The following GABRG3 variants were observed in gnomAD, a reference collection of about 807,000 sequenced individuals.
GABRG3 encodes the protein gamma-aminobutyric acid receptor subunit gamma-3.
In GABRG3, 25 loss-of-function variants were observed where a neutral mutation model predicts 48.8. The ratio of observed to expected loss-of-function variants is 0.51; its 90% CI spans 0.37 to 0.72. GABRG3 has a LOEUF of 0.72. Ranked by LOEUF, GABRG3 falls within the 30% of genes least tolerant of loss-of-function variation. The pLI, the probability that GABRG3 is intolerant of heterozygous loss-of-function variation, is 0.00. For missense variants in GABRG3, 394 were observed against 577.9 expected (o/e 0.68, Z 3.26); for synonymous variants, 227 against 217.6 (o/e 1.04, Z -0.38).
intron 3 of GABRG3, among the ~76,000 whole-genome samples, chr15:27,220,834 T>C (rs1243981917): frequency 6.6e-6 from 1 of 151,868 alleles, no homozygotes; most frequent in Non-Finnish European, 1.5e-5. Context: ...ATGCCGAGGG[T>C]GGGGTGGCAG....
chr15:27,465,944 G>T (rs1039603412), intron 5 of GABRG3, among the ~76,000 whole-genome samples: 1 of 152,154 alleles, frequency 6.6e-6, no homozygotes, highest in African/African-American at 2.4e-5. Context: ...AAGACCCAGT[G>T]TTTCAAAAAT....
At chr15:27,424,244 G>A (rs1566834638) in intron 5 of GABRG3, among the ~76,000 whole-genome samples, 1 of 152,142 alleles carries the variant, frequency 6.6e-6, no homozygotes, top group Non-Finnish European at 1.5e-5. Flanking sequence ...GTGATTTGTA[G>A]CTAGGGCTGT....
intron 3 of GABRG3, among the ~76,000 whole-genome samples, chr15:27,054,100 A>G (rs1007236615): frequency 2.6e-5 from 4 of 152,138 alleles, no homozygotes; most frequent in Non-Finnish European, 4.4e-5. Context: ...TCTACTAAAA[A>G]AAATAGCACG....
intron 6 of GABRG3, among the ~76,000 whole-genome samples, chr15:27,482,578 T>C (rs1890126625): frequency 6.6e-6 from 1 of 152,276 alleles, no homozygotes; most frequent in East Asian, 1.9e-4. Flanking sequence ...TTATTCCTTG[T>C]TTCTCAATCT....
At chr15:27,512,248 A>G (rs963813163) in intron 6 of GABRG3, among the ~76,000 whole-genome samples, 3 of 151,762 alleles carry the variant, frequency 2.0e-5, no homozygotes, top group Admixed American at 1.3e-4. Context: ...TATTATTATT[A>G]CAATAATCAA....
chr15:27,342,785 C>A (rs923293359), intron 5 of GABRG3, among the ~76,000 whole-genome samples: 5 of 152,176 alleles, frequency 3.3e-5, no homozygotes, highest in Admixed American at 6.5e-5. Context: ...CCTCCTGGGT[C>A]CTGACTCCTT....
At chr15:27,286,290 C>T (rs982600700) in intron 3 of GABRG3, among the ~76,000 whole-genome samples, 13 of 152,200 alleles carry the variant, frequency 8.5e-5, no homozygotes, top group Admixed American at 8.5e-4. Context: ...CACTTCTCTC[C>T]AGCATAAAGC....
At chr15:27,071,844 T>C (rs8035064) in intron 3 of GABRG3, among the ~76,000 whole-genome samples, 31,432 of 152,234 alleles carry the variant, frequency 0.21, 3,408 homozygotes, top group Middle Eastern at 0.27. Context: ...CGTACTAAGA[T>C]GGCTTTTCTG....
At chr15:27,316,822 G>A (rs1374274035) in intron 3 of GABRG3, among the ~76,000 whole-genome samples, 2 of 152,064 alleles carry the variant, frequency 1.3e-5, no homozygotes, top group Non-Finnish European at 2.9e-5. Context: ...GTGGATTTTG[G>A]TGTGGTTTTT....
intron 3 of GABRG3, among the ~76,000 whole-genome samples, chr15:27,125,251 A>G (rs1007609775): frequency 6.6e-6 from 1 of 152,196 alleles, no homozygotes; most frequent in African/African-American, 2.4e-5. Context: ...TCACAGAAAG[A>G]TAAATATTGC....
intron 2 of GABRG3, among the ~76,000 whole-genome samples, chr15:27,023,806 G>A (rs1285532873): frequency 1.3e-5 from 2 of 152,114 alleles, no homozygotes; most frequent in Non-Finnish European, 2.9e-5. Context: ...TAATTCCTTT[G>A]GGTGTATACC....
chr15:27,292,068 G>A (rs532605968), intron 3 of GABRG3, among the ~76,000 whole-genome samples: 1 of 152,278 alleles, frequency 6.6e-6, no homozygotes, highest in Admixed American at 6.5e-5. Context: ...TTAGTTTGCT[G>A]AGAATGATGG....
At chr15:27,526,825 GCAAA>G (rs1201083654) in intron 7 of GABRG3, among the ~76,000 whole-genome samples, 1 of 152,128 alleles carries the variant, frequency 6.6e-6, no homozygotes, top group African/African-American at 2.4e-5. Context: ...TGGGGGACAA[GCAAA>G]CAAAGACAAG....
chr15:27,144,429 C>G (rs1898160779), intron 3 of GABRG3, among the ~76,000 whole-genome samples: 1 of 152,160 alleles, frequency 6.6e-6, no homozygotes. Context: ...AACCACCATT[C>G]AAAGGGCATG....
At chr15:27,088,050 GTGT>G (rs1439793277) in intron 3 of GABRG3, among the ~76,000 whole-genome samples, 6 of 150,672 alleles carry the variant, frequency 4.0e-5, no homozygotes, top group Non-Finnish European at 8.9e-5. Flanking sequence ...ATATGCTGTG[GTGT>G]TTGTGTGTGG....
At chr15:27,186,188 G>C (rs72700120) in intron 3 of GABRG3, among the ~76,000 whole-genome samples, 1 of 151,838 alleles carries the variant, frequency 6.6e-6, no homozygotes, top group Non-Finnish European at 1.5e-5. Context: ...CTCTTTCCTC[G>C]AGTAGTCCCC....
intron 6 of GABRG3, among the ~76,000 whole-genome samples, chr15:27,516,323 A>G (rs1181603558): frequency 6.6e-6 from 1 of 152,230 alleles, no homozygotes; most frequent in Admixed American, 6.5e-5. Flanking sequence ...ACATGGAAAT[A>G]TACTTCAATA....
chr15:27,514,813 TAA>T (rs1277114324), intron 6 of GABRG3, among the ~76,000 whole-genome samples: 1 of 151,982 alleles, frequency 6.6e-6, no homozygotes, highest in Non-Finnish European at 1.5e-5. Flanking sequence ...AACACACAAA[TAA>T]AAGAGAGGTG....
intron 3 of GABRG3, among the ~76,000 whole-genome samples, chr15:27,103,919 G>A (rs905026204): frequency 3.9e-5 from 6 of 152,160 alleles, no homozygotes; most frequent in African/African-American, 1.4e-4. Flanking sequence ...ATGCTCTTTT[G>A]ACATATCTGT....
Sources: allele counts gnomAD v4.1 joint callset (sites outside exome capture counted in the v4.1 genomes callset), GRCh38; gene constraint gnomAD v4.1.1; transcripts MANE v1.5; gene names NCBI Gene and HGNC (gene_info 2026-07-23, HGNC 2026-07-21).